RYR2: variants seen among roughly 807,000 people sequenced by gnomAD.
The protein encoded by RYR2 is cardiac muscle ryanodine receptor-calcium release channel.
A neutral mutation model predicts 601.1 loss-of-function variants in RYR2; 227 were observed. The observed-to-expected ratio is 0.38, with a 90% CI of 0.34 to 0.42. RYR2 has a LOEUF of 0.42. RYR2 is among the 10% of genes least tolerant of loss of function. RYR2 has a pLI of 1.00. For synonymous variants in RYR2, 2,223 were observed against 2,175.1 expected (o/e 1.02, Z -0.61); for missense variants, 4,646 against 6,156.5 (o/e 0.75, Z 8.21).
At chr1:237,453,293 A>G (rs1198459720) in intron 14 of RYR2, among the ~76,000 whole-genome samples, 1 of 152,124 alleles carries the variant, frequency 6.6e-6, no homozygotes, top group African/African-American at 2.4e-5. Flanking sequence ...AAACTTTAAA[A>G]TAGTTGTACA....
intron 10 of RYR2, among the ~76,000 whole-genome samples, chr1:237,403,452 G>A (rs563893345): frequency 6.6e-6 from 1 of 152,036 alleles, no homozygotes; most frequent in Non-Finnish European, 1.5e-5. Flanking sequence ...TTTGGGACAG[G>A]GCCTTGCTCC....
intron 57 of RYR2, 65 bp downstream of exon 57, chr1:237,666,654 T>TTC: frequency 1.6e-6 from 2 of 1,260,810 alleles, no homozygotes; most frequent in Non-Finnish European, 2.3e-6. Flanking sequence ...AATGTAATGC[T>TTC]TTCCTGCATA....
intron 1 of RYR2, among the ~76,000 whole-genome samples, chr1:237,097,240 A>T (rs911762635): frequency 4.6e-5 from 7 of 152,324 alleles, no homozygotes; most frequent in African/African-American, 1.7e-4. Context: ...GACCTTTTCC[A>T]TCAACCACTA....
intron 97 of RYR2, among the ~76,000 whole-genome samples, chr1:237,798,801 C>CAT (rs1553331126): frequency 0.35 from 51,917 of 148,104 alleles, 9,527 homozygotes; most frequent in East Asian, 0.58. Context: ...CACACACACA[C>CAT]ATATAGTGTG....
At chr1:237,205,543 G>T (rs2149066676) in intron 1 of RYR2, among the ~76,000 whole-genome samples, 1 of 152,336 alleles carries the variant, frequency 6.6e-6, no homozygotes, top group Non-Finnish European at 1.5e-5. Flanking sequence ...AGCAGAATTT[G>T]GTCCAGGGTG....
intron 31 of RYR2, among the ~76,000 whole-genome samples, chr1:237,591,511 G>C (rs1429758025): frequency 6.6e-6 from 1 of 151,870 alleles, no homozygotes; most frequent in African/African-American, 2.4e-5. Context: ...ACACACCTTG[G>C]ACATTGAAGG....
intron 24 of RYR2, among the ~76,000 whole-genome samples, chr1:237,526,253 G>T (rs2147902546): frequency 6.6e-6 from 1 of 152,176 alleles, no homozygotes; most frequent in Middle Eastern, 3.4e-3. Flanking sequence ...TTTTTCTGAT[G>T]ATTGGTAATT....
chr1:237,248,551 T>A (rs141209117), intron 1 of RYR2, among the ~76,000 whole-genome samples: 4 of 152,218 alleles, frequency 2.6e-5, no homozygotes, highest in Non-Finnish European at 5.9e-5. Context: ...GACTTCACAC[T>A]GTTTCCTTCT....
chr1:237,302,143 T>TA (rs1426190177), intron 2 of RYR2, among the ~76,000 whole-genome samples: 1 of 152,178 alleles, frequency 6.6e-6, no homozygotes, highest in Admixed American at 6.5e-5. Flanking sequence ...GAGTGATCAT[T>TA]AATGACATAT....
At chr1:237,598,876 C>CA (rs755592569) in intron 34 of RYR2, among the ~76,000 whole-genome samples, 21 of 151,916 alleles carry the variant, frequency 1.4e-4, no homozygotes, top group Non-Finnish European at 2.6e-4. Context: ...TTTGAAAAGA[C>CA]AAAATCAGTA....
At chr1:237,751,133 A>G (rs565417820) in intron 80 of RYR2, among the ~76,000 whole-genome samples, 1 of 151,868 alleles carries the variant, frequency 6.6e-6, no homozygotes, top group South Asian at 2.1e-4. Context: ...TCATGACCTA[A>G]CCATAGCTTT....
rs1215528631 is a variant in RYR2 at position 237,042,273 on chromosome 1, G to GGCCC, written c.-247_-244dup. On this transcript the variant is annotated 5_prime_UTR_variant, in exon 1 of 105. Coordinates refer to ENST00000366574, the MANE Select transcript of RYR2 (RefSeq NM_001035.3). Reference sequence around the variant, plus strand: ...CGGGGCTGCTTCCCCGCGTCCTCCGGGCCCGGGCCGCCCTCCTCCCGCACA... The same window carrying GGCCC: ...CGGGGCTGCTTCCCCGCGTCCTCCGGGCCCGCCCGGGCCGCCCTCCTCCCGCACA... The GGCCC allele has an allele frequency of 4.8e-5, 10 of 207,434 alleles. No homozygotes were observed. Among genetic ancestry groups the GGCCC allele is most frequent in the Non-Finnish European group, 9.5e-6 (1 of 105,526 alleles). 12.8% of individuals were successfully genotyped at this position (207,434 alleles called of 1,614,324 possible).
chr1:237,480,931 C>T (rs1430418535), intron 17 of RYR2, among the ~76,000 whole-genome samples: 4 of 151,774 alleles, frequency 2.6e-5, no homozygotes, highest in African/African-American at 9.7e-5. Flanking sequence ...TTAGTTTTAA[C>T]CTCTGTTGCT....
chr1:237,340,567 T>A lies in RYR2; in HGVS notation c.273+9585T>A, dbSNP rs144042159. 6.1e-3 allele frequency among the ~76,000 whole-genome samples: 926 copies of A among 152,326 alleles called. 6 individuals are homozygous for A. The highest frequency in any genetic ancestry group is 8.5e-3 in the Non-Finnish European group (577 of 68,016). ...TATATTGTAGACAATACGATGCTAC[T>A]AGCTATTTATATCTGAAACTTCTAT... On this transcript the variant is annotated intron_variant, in intron 3 of 104. Transcript: ENST00000366574.
chr1:237,115,236 ACC>A (rs66869261), intron 1 of RYR2, among the ~76,000 whole-genome samples: 25 of 149,916 alleles, frequency 1.7e-4, no homozygotes, highest in East Asian at 1.4e-3. Context: ...TGGAAACCAC[ACC>A]CCCCCCCTTG....
intron 77 of RYR2, 81 bp from the exon 78 acceptor site, chr1:237,731,965 T>C (rs1690726042): frequency 1.2e-6 from 1 of 811,636 alleles, no homozygotes. Flanking sequence ...TTATTCTTCA[T>C]TGCTGTCCTT....
rs1688770761 is a variant in RYR2, at chr1:237,263,853, G to C, written c.49-6644G>C. 2.0e-5 allele frequency among the ~76,000 whole-genome samples: 3 copies of C among 152,160 alleles called. No homozygotes were observed. In the South Asian group the frequency reaches 6.2e-4, roughly 32 times the overall value. ...CAAGGTCCTTTCCCTTACAGAACTTGCATTCTAGTGGGGGAGGCTCAGAAA... is the reference window on the plus strand; with the variant it reads ...CAAGGTCCTTTCCCTTACAGAACTTCCATTCTAGTGGGGGAGGCTCAGAAA... On this transcript the variant is annotated intron_variant, in intron 1 of 104. Coordinates refer to ENST00000366574, the MANE Select transcript of RYR2 (RefSeq NM_001035.3).
At chr1:237,546,606 C>T (rs1188665204) in intron 25 of RYR2, among the ~76,000 whole-genome samples, 5 of 152,058 alleles carry the variant, frequency 3.3e-5, no homozygotes, top group African/African-American at 1.2e-4. Context: ...GTCTTGAACT[C>T]CTGACCTCAA....
rs114383061 is a variant in RYR2, at chr1:237,158,282, G to A, written c.49-112215G>A. ...ACTTTCAGCTGTGGGGATCAGGGAA[G>A]GTTTGTGGTCTTATGAGCTAAAGGA... On this transcript the variant is annotated intron_variant, in intron 1 of 104. Transcript: ENST00000366574. 6.3e-3 allele frequency among the ~76,000 whole-genome samples: 956 copies of A among 152,242 alleles called. 7 individuals carry two copies. Among genetic ancestry groups the A allele is most frequent in the South Asian group, 0.032 (156 of 4,820 alleles).
Sources: allele counts gnomAD v4.1 joint callset (sites outside exome capture counted in the v4.1 genomes callset), GRCh38; gene constraint gnomAD v4.1.1; transcripts MANE v1.5; gene names NCBI Gene and HGNC (gene_info 2026-07-23, HGNC 2026-07-21).